GRM7: variants seen among roughly 807,000 people sequenced by gnomAD.
GRM7 encodes the protein metabotropic glutamate receptor 7.
GRM7 carries 35 observed loss-of-function variants against 84.5 expected under a neutral mutation model. That is an observed-to-expected ratio of 0.41 (90% CI 0.32 to 0.55). GRM7 has a LOEUF of 0.55. Among genes scored for constraint, GRM7 ranks in the 20% least tolerant of loss-of-function variants. The probability of loss-of-function intolerance (pLI) is 0.19; values close to 1 mark genes in which losing one functional copy is unlikely to be tolerated. For missense variants in GRM7, 1,003 were observed against 1,194.6 expected, an observed-to-expected ratio of 0.84 and a Z score of 2.36; for synonymous variants, 487 against 455.1, an observed-to-expected ratio of 1.07 and a Z score of -0.89.
At chr3:7,222,815 T>C (rs1425253430) in intron 2 of GRM7, among the ~76,000 whole-genome samples, 2 of 152,174 alleles carry the variant, frequency 1.3e-5, no homozygotes, top group Non-Finnish European at 2.9e-5. Flanking sequence ...ATTTCAAGTG[T>C]TTGTTTGGAA....
intron 1 of GRM7, among the ~76,000 whole-genome samples, chr3:7,092,351 G>A (rs1241690344): frequency 1.3e-5 from 2 of 151,988 alleles, no homozygotes; most frequent in Non-Finnish European, 2.9e-5. Flanking sequence ...ATTATGTTAA[G>A]AGCAAACATT....
intron 8 of GRM7, among the ~76,000 whole-genome samples, chr3:7,585,643 C>T (rs768859542): frequency 6.6e-6 from 1 of 152,168 alleles, no homozygotes; most frequent in Non-Finnish European, 1.5e-5. Flanking sequence ...CCTGCCACCT[C>T]CCGTGGAGAG....
intron 1 of GRM7, among the ~76,000 whole-genome samples, chr3:6,929,815 C>T (rs2051968618): frequency 6.6e-6 from 1 of 151,982 alleles, no homozygotes; most frequent in Non-Finnish European, 1.5e-5. Context: ...GCTGACGGCA[C>T]ACACTGTCCA....
At chr3:7,595,801 C>T (rs867294663) in intron 8 of GRM7, among the ~76,000 whole-genome samples, 12 of 152,100 alleles carry the variant, frequency 7.9e-5, no homozygotes, top group South Asian at 2.1e-4. Flanking sequence ...TAAGGAGGAC[C>T]CTGTGTCTGC....
intron 2 of GRM7, among the ~76,000 whole-genome samples, chr3:7,198,598 C>T (rs1695959877): frequency 6.6e-6 from 1 of 152,180 alleles, no homozygotes; most frequent in African/African-American, 2.4e-5. Context: ...CCTAGCCTAT[C>T]TTAAACATGC....
intron 9 of GRM7, among the ~76,000 whole-genome samples, chr3:7,696,348 T>C (rs973289805): frequency 6.6e-6 from 1 of 152,204 alleles, no homozygotes; most frequent in Non-Finnish European, 1.5e-5. Flanking sequence ...TTTCTATTCA[T>C]TCATTCTATA....
intron 7 of GRM7, among the ~76,000 whole-genome samples, chr3:7,475,972 G>C (rs1698905356): frequency 6.6e-6 from 1 of 152,126 alleles, no homozygotes; most frequent in African/African-American, 2.4e-5. Context: ...AGTCAAATCT[G>C]CTTTCTTTGC....
At chr3:7,239,342 T>G (rs1697465155) in intron 2 of GRM7, among the ~76,000 whole-genome samples, 1 of 152,116 alleles carries the variant, frequency 6.6e-6, no homozygotes, top group South Asian at 2.1e-4. Flanking sequence ...TGTGATGTAG[T>G]AAAAGCACCG....
chr3:7,463,509 G>A (rs922755767), intron 7 of GRM7, among the ~76,000 whole-genome samples: 1 of 152,072 alleles, frequency 6.6e-6, no homozygotes, highest in Non-Finnish European at 1.5e-5. Context: ...GTACACAGTG[G>A]AGGTGAAACA....
At chr3:7,126,783 A>C in intron 1 of GRM7, among the ~76,000 whole-genome samples, 1 of 151,740 alleles carries the variant, frequency 6.6e-6, no homozygotes. Context: ...TACCTCTTTC[A>C]CTTTGTTAAT....
intron 2 of GRM7, among the ~76,000 whole-genome samples, chr3:7,286,686 C>T (rs1257654678): frequency 6.6e-6 from 1 of 152,132 alleles, no homozygotes; most frequent in Non-Finnish European, 1.5e-5. Flanking sequence ...ACTTGTGTCT[C>T]TTTCTAGAAT....
chr3:7,642,098 A>G (rs780116846), intron 8 of GRM7, among the ~76,000 whole-genome samples: 9 of 152,166 alleles, frequency 5.9e-5, no homozygotes, highest in Non-Finnish European at 1.0e-4. Flanking sequence ...AACTGTTAAC[A>G]AGGAACTTAA....
rs74870605 is a variant in GRM7 at position 7,567,134 on chromosome 3, T to G, written c.1516-11288T>G. Among the ~76,000 whole-genome samples the G allele has an allele frequency of 6.4e-3, 976 of 152,342 alleles. 16 individuals carry two copies. The highest frequency in any genetic ancestry group is 0.022 in the African/African-American group (925 of 41,578). On this transcript the variant is annotated intron_variant, in intron 7 of 9. Coordinates refer to ENST00000357716, the MANE Select transcript of GRM7 (RefSeq NM_000844.4). Reference sequence around the variant, plus strand: ...TCTTACACCCACTCACTTCATTTGTTTACTCTATATGTCCAGCTTCTGTAG... The same window carrying G: ...TCTTACACCCACTCACTTCATTTGTGTACTCTATATGTCCAGCTTCTGTAG...
intron 2 of GRM7, among the ~76,000 whole-genome samples, chr3:7,238,855 A>C (rs1481663351): frequency 2.5e-4 from 24 of 96,810 alleles, no homozygotes; most frequent in Admixed American, 5.2e-4. Flanking sequence ...TCTTCCTTTC[A>C]CTTGTTTTCT....
At chr3:7,234,838 T>A (rs1697298658) in intron 2 of GRM7, among the ~76,000 whole-genome samples, 1 of 152,214 alleles carries the variant, frequency 6.6e-6, no homozygotes, top group Admixed American at 6.6e-5. Flanking sequence ...TTAGAGATTA[T>A]GTTTTGCTTT....
chr3:6,871,950 G>T (rs1695136793), intron 1 of GRM7, among the ~76,000 whole-genome samples: 1 of 151,966 alleles, frequency 6.6e-6, no homozygotes, highest in Non-Finnish European at 1.5e-5. Context: ...AAACCATTGA[G>T]GCATCCTAGC....
At chr3:7,644,685 G>A (rs1178253027) in intron 8 of GRM7, among the ~76,000 whole-genome samples, 1 of 152,128 alleles carries the variant, frequency 6.6e-6, no homozygotes, top group Non-Finnish European at 1.5e-5. Flanking sequence ...CCATTATTCT[G>A]ACAAATTACC....
intron 1 of GRM7, among the ~76,000 whole-genome samples, chr3:6,962,597 A>G (rs1275078684): frequency 6.6e-6 from 1 of 152,220 alleles, no homozygotes; most frequent in Non-Finnish European, 1.5e-5. Context: ...ACTTATTCCT[A>G]TCAGTGACAC....
chr3:7,449,595 C>G (rs1697679719), intron 5 of GRM7, among the ~76,000 whole-genome samples: 1 of 151,656 alleles, frequency 6.6e-6, no homozygotes, highest in African/African-American at 2.4e-5. Flanking sequence ...AATTGAAACT[C>G]TAGTTTGGTG....
Sources: allele counts gnomAD v4.1 joint callset (sites outside exome capture counted in the v4.1 genomes callset), GRCh38; gene constraint gnomAD v4.1.1; transcripts MANE v1.5; gene names NCBI Gene and HGNC (gene_info 2026-07-23, HGNC 2026-07-21).